FLNC: variants seen among roughly 807,000 people sequenced by gnomAD.
FLNC encodes filamin C.
FLNC carries 91 observed loss-of-function variants against 254.3 expected under a neutral mutation model. That is an observed-to-expected ratio of 0.36 (90% CI 0.30 to 0.43). FLNC has a LOEUF of 0.43. Ranked by LOEUF, FLNC falls within the 20% of genes least tolerant of loss-of-function variation. The probability of loss-of-function intolerance (pLI) is 1.00; values close to 1 mark genes in which losing one functional copy is unlikely to be tolerated. For synonymous variants in FLNC, 1,430 were observed against 1,577.2 expected (o/e 0.91, Z 2.21); for missense variants, 2,853 against 3,802.6 (o/e 0.75, Z 6.57).
chr7:128,844,333 G>A, intron 20 of FLNC, 67 bp downstream of exon 20: 2 of 1,521,562 alleles, frequency 1.3e-6, no homozygotes, highest in Non-Finnish European at 1.8e-6. Context: ...TGAGTCATAG[G>A]GGGCAGAGGC....
rs1479430297 is a variant in FLNC, at chr7:128,848,943, G to A, written c.4888G>A (p.Ala1630Thr). Residue 1630 changes from alanine (A) to threonine (T), a missense_variant, in exon 28 of 48, where the codon GCT (alanine) becomes ACT (threonine). Around this residue, in one of 10 missense-constraint regions of FLNC, gnomAD observed 258 missense variants for 312.3 expected, o/e 0.83. Transcript: ENST00000325888. ...CCCCTACTCGCCCTTCCGCATCCAT[G>A]CTCTGCCCACTGGGGATGCCAGCAA... ...EIPYSPFRIH[A>T]LPTGDASKCL... 4 of 1,613,318 alleles carry A rather than the reference G, an allele frequency of 2.5e-6. No homozygotes were observed. The highest frequency in any genetic ancestry group is 3.4e-6 in the Non-Finnish European group (4 of 1,179,912).
At position 128,847,689 on chromosome 7, in the gene FLNC, C is replaced by G; in HGVS notation, c.4289-8C>G. The G allele has an allele frequency of 1.2e-6, 2 of 1,613,920 alleles. No homozygotes were observed. Among genetic ancestry groups the G allele is most frequent in the Middle Eastern group, 3.3e-4 (2 of 6,012 alleles). ...GGTGGGCAGGGTCTAATGTCCTTCT[C>G]CTCACAGGGAGCCCGTTCCGCGTGC... On this transcript the variant is annotated splice_polypyrimidine_tract_variant and splice_region_variant and intron_variant, in intron 24 of 47. Transcript: ENST00000325888.
intron 3 of FLNC, 33 bp downstream of exon 3, chr7:128,837,290 G>A: frequency 6.3e-7 from 1 of 1,582,466 alleles, no homozygotes; most frequent in Non-Finnish European, 8.6e-7. Flanking sequence ...GGGGAAAGGG[G>A]GCAGGGGCAG....
Position 128,844,211 on chromosome 7 carries a change from C to T in FLNC, c.3137C>T (p.Pro1046Leu), listed in dbSNP as rs768820218. 9.3e-6 allele frequency: 15 copies of T among 1,612,184 alleles called. No individual in the cohort carries two copies. Among genetic ancestry groups the T allele is most frequent in the Middle Eastern group, 1.7e-4 (1 of 5,840 alleles). ...YKVDITYDGHPVPGSPFAVEG... is the reference protein window; with the variant it reads ...YKVDITYDGHLVPGSPFAVEG... ...GTGGATATCACCTACGATGGTCACC[C>T]GGTGCCTGGCAGCCCGTTTGCTGTG... The change falls in exon 20 of 48, where the codon CCG (proline) becomes CTG (leucine). Residue 1046 changes from proline (P) to leucine (L), a missense_variant. By Grantham distance (98) the Pro-to-Leu change is moderately conservative. Around this residue, in one of 10 missense-constraint regions of FLNC, gnomAD observed 1,573 missense variants for 1,883.5 expected, o/e 0.84. Coordinates refer to ENST00000325888, the MANE Select transcript of FLNC (RefSeq NM_001458.5).
At position 128,835,265 on chromosome 7, in the gene FLNC, G is replaced by T; in HGVS notation, c.353-61G>T. ...CGAGGAGCTGCGCAGGTGAGGGAGG[G>T]TGCTCTGGGGCAGTGGAGGGTGGGG... On this transcript the variant is annotated intron_variant, in intron 1 of 47. Coordinates refer to ENST00000325888, the MANE Select transcript of FLNC (RefSeq NM_001458.5). This position sits in a 1 kb window ranked among gnomAD's most constrained non-coding sequence, Gnocchi z 5.3. 1 of 1,610,036 alleles carries T rather than the reference G, an allele frequency of 6.2e-7. No homozygotes were observed. Among genetic ancestry groups the T allele is most frequent in the Middle Eastern group, 2.2e-4 (1 of 4,582 alleles).
intron 25 of FLNC, 40 bp from the exon 26 acceptor site, chr7:128,847,905 G>A (rs1457640340): frequency 6.2e-7 from 1 of 1,613,672 alleles, no homozygotes; most frequent in African/African-American, 1.3e-5. Context: ...GGTGGGGCGG[G>A]ACGCCCGGAG....
intron 33 of FLNC, 49 bp downstream of exon 33, chr7:128,850,992 C>T (rs370421581): frequency 3.4e-5 from 55 of 1,602,400 alleles, no homozygotes; most frequent in African/African-American, 5.4e-5. Flanking sequence ...AGGAGCAGGC[C>T]GTAGCTTCAG....
In FLNC at chr7:128,838,274, T is replaced by C. The variant is rs1214614169; in HGVS notation, c.1055T>C (p.Val352Ala). ...TTGACCTCTGACCCCTAGGTGACCG[T>C]GCTCTTTGCTGGCCAGAACATTGAA... ...PKVAGLHKVT[V>A]LFAGQNIERS... Residue 352 changes from valine (V) to alanine (A), a missense_variant, in exon 7 of 48, where the codon GTG (valine) becomes GCG (alanine). Val to Ala is a moderately conservative substitution (Grantham distance 64, BLOSUM62 0). Transcript: ENST00000325888. The C allele has an allele frequency of 1.9e-6, 3 of 1,613,894 alleles. No homozygotes were observed. Among genetic ancestry groups the C allele is most frequent in the Non-Finnish European group, 2.5e-6 (3 of 1,179,996 alleles).
chr7:128,847,010 G>A (rs1379546251), intron 24 of FLNC, 105 bp downstream of exon 24: 8 of 1,442,220 alleles, frequency 5.5e-6, no homozygotes, highest in Non-Finnish European at 5.8e-6. Context: ...AATGTTCATA[G>A]AGAGGACAGC....
chr7:128,845,193 A>G lies in FLNC; in HGVS notation c.3728A>G (p.His1243Arg), dbSNP rs776828181. The G allele has an allele frequency of 6.2e-7, 1 of 1,613,758 alleles. No individual in the cohort carries two copies. Among genetic ancestry groups the G allele is most frequent in the South Asian group, 1.1e-5 (1 of 91,080 alleles). ...GTGCCCAAATTCCCCACCCGTGTCC[A>G]TGTGCAGCCTGCGGTCGATACCAGT... ...HPVPKFPTRV[H>R]VQPAVDTSGV... The change falls in exon 21 of 48, where the codon CAT becomes CGT. Residue 1243 changes from histidine to arginine, a missense_variant. His to Arg is a conservative substitution (Grantham distance 29). Coordinates refer to ENST00000325888, the MANE Select transcript of FLNC (RefSeq NM_001458.5).
chr7:128,851,388 G>T (rs753311571), intron 34 of FLNC, 28 bp downstream of exon 34: 2 of 1,614,064 alleles, frequency 1.2e-6, no homozygotes, highest in South Asian at 2.2e-5. Flanking sequence ...CGCAGGCTGG[G>T]GTGGAGACTC....
At position 128,853,563 on chromosome 7, in the gene FLNC, C is replaced by G; in HGVS notation, c.6303C>G (p.Cys2101Trp). 1 of 1,614,036 alleles carries G rather than the reference C, an allele frequency of 6.2e-7. No individual in the cohort carries two copies. The highest frequency in any genetic ancestry group is 8.5e-7 in the Non-Finnish European group (1 of 1,180,006). The change falls in exon 38 of 48, where the codon TGC (cysteine) becomes TGG (tryptophan). Residue 2101 changes from cysteine to tryptophan, a missense_variant. Physicochemically the swap from Cys to Trp is radical, Grantham distance 215. Transcript: ENST00000325888. ...ACGGGACATGCAAAGTCACCTACTG[C>G]CCCACCGAGCCCGGCACCTACATCA... Reference protein sequence around the residue: ...MEDGTCKVTYCPTEPGTYIIN... With the variant: ...MEDGTCKVTYWPTEPGTYIIN...
chr7:128,855,091 A>G (rs1463209626), intron 42 of FLNC, 108 bp from the exon 43 acceptor site: 1 of 1,068,386 alleles, frequency 9.4e-7, no homozygotes, highest in Non-Finnish European at 1.5e-6. Context: ...CTGCCTCCAG[A>G]TCTGAGCGCT....
intron 23 of FLNC, 74 bp from the exon 24 acceptor site, chr7:128,846,671 G>T: frequency 6.7e-7 from 1 of 1,493,016 alleles, no homozygotes; most frequent in Non-Finnish European, 9.2e-7. Flanking sequence ...TTTCCTCCCT[G>T]TCCCCCCATT....
intron 9 of FLNC, 117 bp downstream of exon 9, chr7:128,840,277 C>T: frequency 1.6e-6 from 2 of 1,267,760 alleles, no homozygotes; most frequent in Non-Finnish European, 2.2e-6. Flanking sequence ...CCACAGTGAC[C>T]AGAGGCACCC....
rs1809096568 is a variant in FLNC at position 128,857,107 on chromosome 7, C to G, written c.7562-11C>G. 1.2e-6 allele frequency: 2 copies of G among 1,613,446 alleles called. No homozygotes were observed. Among genetic ancestry groups the G allele is most frequent in the East Asian group, 4.5e-5 (2 of 44,896 alleles). On this transcript the variant is annotated splice_polypyrimidine_tract_variant and intron_variant, in intron 45 of 47. Coordinates refer to ENST00000325888, the MANE Select transcript of FLNC (RefSeq NM_001458.5). The surrounding 1 kb of genome is among the most constrained non-coding windows in gnomAD (Gnocchi z 4.5). ...CTTCCTGCCCTCAGCCTTGCTACCTCTGGCCCCCAGGTGTGTCATCAGAGT... is the reference window on the plus strand; with the variant it reads ...CTTCCTGCCCTCAGCCTTGCTACCTGTGGCCCCCAGGTGTGTCATCAGAGT...
Position 128,858,842 on chromosome 7 carries a change from C to A in FLNC, c.*319C>A. 2.2e-6 allele frequency: 1 copy of A among 446,278 alleles called. No individual in the cohort carries two copies. The highest frequency in any genetic ancestry group is 2.3e-5 in the South Asian group (1 of 43,704). The allele number at this position is 446,278 out of a possible 1,614,324, so 27.6% of individuals were successfully genotyped here. The stretch of plus-strand genomic sequence containing the variant: ...GGCCAGGGAAGCCCTGAGTTTCTGG[C>A]GGGGCTGAGCAGTGGGGGAGCATTG... On this transcript the variant is annotated 3_prime_UTR_variant, in exon 48 of 48. Coordinates refer to ENST00000325888, the MANE Select transcript of FLNC (RefSeq NM_001458.5). This position sits in a 1 kb window ranked among gnomAD's most constrained non-coding sequence, Gnocchi z 6.7.
Position 128,844,752 on chromosome 7 carries a change from G to C in FLNC, c.3287G>C (p.Gly1096Ala). ...DTKGAGTGGL[G>A]LTVEGPCEAK... ...AAGGGGGCTGGCACAGGTGGCCTGG[G>C]GCTGACCGTAGAGGGCCCCTGCGAG... Residue 1096 changes from glycine (G) to alanine (A), a missense_variant, in exon 21 of 48, where the codon GGG (glycine) becomes GCG (alanine). Physicochemically the swap from Gly to Ala is moderately conservative, Grantham distance 60. This residue lies in a region of FLNC where 1,573 missense variants were observed against 1,883.5 expected (regional missense o/e 0.84). Transcript: ENST00000325888. 1 of 1,613,988 alleles carries C rather than the reference G, an allele frequency of 6.2e-7. No individual in the cohort carries two copies. The highest frequency in any genetic ancestry group is 1.1e-5 in the South Asian group (1 of 91,086).
Position 128,854,695 on chromosome 7 carries a change from T to C in FLNC, c.6997+13T>C. 1 of 1,612,174 alleles carries C rather than the reference T, an allele frequency of 6.2e-7. No individual in the cohort carries two copies. Among genetic ancestry groups the C allele is most frequent in the South Asian group, 1.1e-5 (1 of 91,064 alleles). On this transcript the variant is annotated intron_variant, in intron 41 of 47. Transcript: ENST00000325888. Reference sequence around the variant, plus strand: ...GCCGGCGTGCCAGGTAAGGGGCAGGTGGCCAGGAGTGGGGATGAAGTCAGG... The same window carrying C: ...GCCGGCGTGCCAGGTAAGGGGCAGGCGGCCAGGAGTGGGGATGAAGTCAGG...
Sources: allele counts gnomAD v4.1 joint callset, GRCh38; gene constraint gnomAD v4.1.1; regional missense constraint gnomAD v4.1.1; non-coding constraint Gnocchi (gnomAD v3.1); transcripts MANE v1.5; gene names NCBI Gene and HGNC (gene_info 2026-07-23, HGNC 2026-07-21).